Variants in DOP1A observed in about 807,000 individuals in gnomAD.
The protein encoded by DOP1A is protein DOP1A.
A neutral mutation model predicts 267.6 loss-of-function variants in DOP1A; 90 were observed. The ratio of observed to expected loss-of-function variants is 0.34; its 90% CI spans 0.28 to 0.40. The LOEUF is 0.40. DOP1A is among the 10% of genes least tolerant of loss of function. DOP1A has a pLI of 1.00. For missense variants in DOP1A, 2,437 were observed against 2,900.4 expected (o/e 0.84, Z 3.67); for synonymous variants, 932 against 999.1 (o/e 0.93, Z 1.27).
chr6:83,148,327 T>C lies in DOP1A; in HGVS notation c.5733-432T>C, dbSNP rs927422920. ...CTCAGGAGGCTGAGGCAGGAGAGAA[T>C]TGCTTGAACCGGGGAGGTGGAGGCT... On this transcript the variant is annotated intron_variant, in intron 26 of 38. Transcript: ENST00000349129. Among the ~76,000 whole-genome samples the C allele has an allele frequency of 4.6e-5, 7 of 151,948 alleles. No individual in the cohort carries two copies. In the East Asian group the frequency reaches 1.4e-3, roughly 29 times the overall value.
At chr6:83,166,605 CATTT>C (rs1302164606) in intron 38 of DOP1A, 7 of 697,834 alleles carry the variant, frequency 1.0e-5, no homozygotes, top group Middle Eastern at 3.1e-4. Flanking sequence ...AACATAACCA[CATTT>C]ATTTAAGAAT....
intron 7 of DOP1A, among the ~76,000 whole-genome samples, chr6:83,117,114 G>A (rs1775566703): frequency 8.4e-6 from 1 of 119,456 alleles, no homozygotes; most frequent in Non-Finnish European, 1.8e-5. Context: ...AGTAATTTTA[G>A]TACTTTTTTA....
In DOP1A at chr6:83,145,575, T is replaced by A; in HGVS notation, c.5593T>A (p.Ser1865Thr). The A allele has an allele frequency of 6.2e-7, 1 of 1,612,072 alleles. No individual in the cohort carries two copies. The highest frequency in any genetic ancestry group is 1.3e-5 in the African/African-American group (1 of 74,870). ...EQLLLVELVRSISVMRAETVI... is the reference protein window; with the variant it reads ...EQLLLVELVRTISVMRAETVI... ...GCTTTTATTAGTGGAATTGGTTCGT[T>A]CAATCAGTGTCATGAGAGCAGAAAC... Residue 1865 changes from serine (S) to threonine (T), a missense_variant, in exon 25 of 39, where the codon TCA becomes ACA. By Grantham distance (58) the Ser-to-Thr change is moderately conservative. Transcript: ENST00000349129.
At chr6:83,112,679 G>A (rs1774770271) in intron 6 of DOP1A, among the ~76,000 whole-genome samples, 1 of 152,104 alleles carries the variant, frequency 6.6e-6, no homozygotes, top group Non-Finnish European at 1.5e-5. Context: ...TGGCCAGGCT[G>A]ATCTCCAACT....
In DOP1A at chr6:83,140,016, T is replaced by C. The variant is rs750622091; in HGVS notation, c.5137T>C (p.Ser1713Pro). ...LSDSRPLWMA[S>P]IIPPDMILTL... ...TTACTTCAGGCCTCTGTGGATGGCA[T>C]CAATTATTCCACCAGATATGATTCT... The change falls in exon 22 of 39, where the codon TCA (serine) becomes CCA (proline). Residue 1713 changes from serine to proline, a missense_variant. Around this residue, in one of 9 missense-constraint regions of DOP1A, gnomAD observed 307 missense variants for 308.6 expected, o/e 0.99. Transcript: ENST00000349129. 1.2e-6 allele frequency: 2 copies of C among 1,613,126 alleles called. No individual in the cohort carries two copies. The highest frequency in any genetic ancestry group is 2.2e-5 in the South Asian group (2 of 90,992).
chr6:83,140,514 T>C, intron 23 of DOP1A, 111 bp downstream of exon 23: 1 of 904,008 alleles, frequency 1.1e-6, no homozygotes, highest in Non-Finnish European at 1.6e-6. Flanking sequence ...CTCTGCTAAT[T>C]ATCAAATAAT....
chr6:83,091,566 A>G (rs909654870), intron 1 of DOP1A, among the ~76,000 whole-genome samples: 3 of 152,228 alleles, frequency 2.0e-5, no homozygotes, highest in African/African-American at 7.2e-5. Flanking sequence ...TATAAGCCTT[A>G]CAGACATAGC....
At chr6:83,135,579 A>G (rs201982900) in intron 19 of DOP1A, 40 bp from the exon 20 acceptor site, 1 of 1,570,362 alleles carries the variant, frequency 6.4e-7, no homozygotes, top group Non-Finnish European at 8.7e-7. Flanking sequence ...GACAAGGTAG[A>G]TGTTTGGTTC....
chr6:83,148,467 G>T (rs1780967123), intron 26 of DOP1A, among the ~76,000 whole-genome samples: 2 of 151,830 alleles, frequency 1.3e-5, no homozygotes, highest in South Asian at 2.1e-4. Flanking sequence ...AGATGCAGTG[G>T]CTCATGCCCA....
intron 12 of DOP1A, 69 bp from the exon 13 acceptor site, chr6:83,124,636 T>C (rs1194802952): frequency 9.1e-7 from 1 of 1,101,942 alleles, no homozygotes; most frequent in African/African-American, 1.6e-5. Flanking sequence ...ATTAGAAGGA[T>C]GATGATGCTG....
chr6:83,123,014 T>C, intron 12 of DOP1A, 32 bp downstream of exon 12: 1 of 1,571,962 alleles, frequency 6.4e-7, no homozygotes, highest in Non-Finnish European at 8.6e-7. Flanking sequence ...TTTAATTTCG[T>C]AACATCTAAA....
At chr6:83,161,650 T>C (rs1357891981) in intron 37 of DOP1A, among the ~76,000 whole-genome samples, 1 of 152,212 alleles carries the variant, frequency 6.6e-6, no homozygotes, top group African/African-American at 2.4e-5. Flanking sequence ...ATTAAAATTA[T>C]AGATAACCAT....
intron 23 of DOP1A, among the ~76,000 whole-genome samples, chr6:83,140,921 A>G (rs1034769954): frequency 6.6e-6 from 1 of 152,076 alleles, no homozygotes; most frequent in African/African-American, 2.4e-5. Context: ...AAGCCCTCCT[A>G]GAAAACAATT....
chr6:83,130,003 G>A lies in DOP1A; in HGVS notation c.2342-120G>A, dbSNP rs186363298. 28 of 1,243,514 alleles carry A rather than the reference G, an allele frequency of 2.3e-5. No homozygotes were observed. In the East Asian group the frequency reaches 2.4e-4, roughly 11 times the overall value. 77.0% of individuals were successfully genotyped at this position (1,243,514 alleles called of 1,614,324 possible). ...GCTCTAGACTAGGTGAGAAACCATGGTTTTGTTAACAGATCAAGGCCTTAA... is the reference window on the plus strand; with the variant it reads ...GCTCTAGACTAGGTGAGAAACCATGATTTTGTTAACAGATCAAGGCCTTAA... On this transcript the variant is annotated intron_variant, in intron 16 of 38. Coordinates refer to ENST00000349129, the MANE Select transcript of DOP1A (RefSeq NM_015018.4).
intron 25 of DOP1A, among the ~76,000 whole-genome samples, 200 bp from the exon 26 acceptor site, chr6:83,147,036 A>G (rs1780746241): frequency 6.6e-6 from 1 of 152,200 alleles, no homozygotes; most frequent in South Asian, 2.1e-4. Flanking sequence ...TCTGTTTTCA[A>G]CTTTTAAAAT....
chr6:83,143,954 T>C (rs1780057045), intron 24 of DOP1A, among the ~76,000 whole-genome samples: 1 of 152,184 alleles, frequency 6.6e-6, no homozygotes, highest in Non-Finnish European at 1.5e-5. Flanking sequence ...TAAAAGCTTC[T>C]AATGAAAGAA....
At chr6:83,143,049 CAGT>C (rs1393738714) in intron 24 of DOP1A, among the ~76,000 whole-genome samples, 5 of 152,098 alleles carry the variant, frequency 3.3e-5, no homozygotes, top group African/African-American at 1.2e-4. Flanking sequence ...TGTGAAGATT[CAGT>C]AGTAGATATC....
In DOP1A at chr6:83,138,688, G is replaced by A. The variant is rs375512701; in HGVS notation, c.4646G>A (p.Gly1549Asp). 6.2e-7 allele frequency: 1 copy of A among 1,613,842 alleles called. No homozygotes were observed. The highest frequency in any genetic ancestry group is 1.3e-5 in the African/African-American group (1 of 74,908). Reference protein sequence around the residue: ...AQKWHSEKMAGKNLVAVEEGF... With the variant: ...AQKWHSEKMADKNLVAVEEGF... ...AAATGGCATAGTGAAAAAATGGCAG[G>A]TAAGAACCTGGTTGCTGTGGAAGAA... Residue 1549 changes from glycine (G) to aspartate (D), a missense_variant, in exon 21 of 39, where the codon GGT becomes GAT. Transcript: ENST00000349129.
rs1428496369 is a variant in DOP1A, at chr6:83,137,807, C to T, written c.3765C>T (p.Ser1255=). 1.2e-6 allele frequency: 2 copies of T among 1,613,698 alleles called. No homozygotes were observed. The highest frequency in any genetic ancestry group is 1.6e-4 in the Middle Eastern group (1 of 6,082). ...CTCTTCATGACTCTTCTGTTGCTTC[C>T]ATAGAAACCAAATCTAGACAAAGGA... ...THTLHDSSVA[S]IETKSRQRSH... The change falls in exon 21 of 39, where the codon TCC becomes TCT. Residue 1255 remains serine, a synonymous_variant. Coordinates refer to ENST00000349129, the MANE Select transcript of DOP1A (RefSeq NM_015018.4).
Sources: gnomAD v4.1 joint callset for allele counts (sites outside exome capture counted in the v4.1 genomes callset) on GRCh38, gnomAD v4.1.1 for gene constraint, gnomAD v4.1.1 regional missense constraint, MANE v1.5 for transcripts, NCBI Gene and HGNC (gene_info 2026-07-23, HGNC 2026-07-21) for gene names.